TLE1: variants seen among roughly 807,000 people sequenced by gnomAD.
TLE1 encodes transducin-like enhancer protein 1.
In TLE1, 21 loss-of-function variants were observed where a neutral mutation model predicts 89.8. That is an observed-to-expected ratio of 0.23 (90% confidence interval 0.17 to 0.34). The LOEUF is 0.34. Ranked by LOEUF, TLE1 falls within the 10% of genes least tolerant of loss-of-function variation. The pLI, the probability that TLE1 is intolerant of heterozygous loss-of-function variation, is 1.00. For missense variants in TLE1, 795 were observed against 1,031.2 expected, an observed-to-expected ratio of 0.77 and a Z score of 3.14; for synonymous variants, 447 against 407.6, an observed-to-expected ratio of 1.10 and a Z score of -1.16.
chr9:81,642,926 C>T (rs778419256), intron 6 of TLE1, among the ~76,000 whole-genome samples: 3 of 152,170 alleles, frequency 2.0e-5, no homozygotes, highest in Admixed American at 6.5e-5. Context: ...CTACCACTTA[C>T]GACAACATGG....
At chr9:81,670,725 A>ATT (rs1554698813) in intron 4 of TLE1, among the ~76,000 whole-genome samples, 1 of 13,822 alleles carries the variant, frequency 7.2e-5, no homozygotes, top group Admixed American at 9.8e-4. Flanking sequence ...AAAAAAAAAA[A>ATT]TTAAAAAAAA....
intron 2 of TLE1, among the ~76,000 whole-genome samples, chr9:81,687,131 A>T (rs1208566806): frequency 6.6e-6 from 1 of 152,242 alleles, no homozygotes; most frequent in Non-Finnish European, 1.5e-5. Flanking sequence ...CAAAAGGGAA[A>T]CAATGGGAGG....
intron 11 of TLE1, among the ~76,000 whole-genome samples, chr9:81,614,197 C>G (rs552946804): frequency 6.6e-6 from 1 of 152,140 alleles, no homozygotes; most frequent in Admixed American, 6.5e-5. Context: ...CCTGAGCCAC[C>G]GCGCCAGGCC....
At chr9:81,593,792 A>G (rs970405272) in intron 14 of TLE1, among the ~76,000 whole-genome samples, 12 of 152,204 alleles carry the variant, frequency 7.9e-5, no homozygotes, top group African/African-American at 2.9e-4. Flanking sequence ...ATGGACTTCA[A>G]CTTTCTCTTG....
intron 4 of TLE1, among the ~76,000 whole-genome samples, chr9:81,684,854 G>C (rs768953422): frequency 6.6e-6 from 1 of 152,140 alleles, no homozygotes; most frequent in Non-Finnish European, 1.5e-5. Context: ...TGCTTTCTTT[G>C]GCAGACAATG....
intron 16 of TLE1, 95 bp from the exon 17 acceptor site, chr9:81,587,923 T>TCATCCC: frequency 2.2e-5 from 22 of 1,014,116 alleles, no homozygotes; most frequent in South Asian, 5.6e-5. Context: ...TGTGTGTGTG[T>TCATCCC]GTGTGTGTGT....
At position 81,688,432 on chromosome 9, in the gene TLE1, G is replaced by A. The variant is rs1182202771; in HGVS notation, c.-192C>T. On this transcript the variant is annotated 5_prime_UTR_variant, in exon 1 of 20. Coordinates refer to ENST00000376499, the MANE Select transcript of TLE1 (RefSeq NM_005077.5). ...AGCTGCTCCGGCTCCCGCTCCCGTC[G>A]GTGCGGGCTCCGGCCCTCAGGGCCA... The A allele has an allele frequency of 3.4e-5, 19 of 556,486 alleles. No homozygotes were observed. The highest frequency in any genetic ancestry group is 5.3e-5 in the Non-Finnish European group (18 of 337,918). 34.5% of individuals were successfully genotyped at this position (556,486 alleles called of 1,614,324 possible). A position where few individuals can be genotyped will look rare whatever the true frequency, so the allele number is the denominator to read the frequency against.
chr9:81,639,803 C>T (rs1827883486), intron 6 of TLE1, among the ~76,000 whole-genome samples: 1 of 151,362 alleles, frequency 6.6e-6, no homozygotes, highest in African/African-American at 2.4e-5. Context: ...AGGCTAGTCT[C>T]GAACTCCTGG....
At chr9:81,584,665 A>C in intron 18 of TLE1, 141 bp from the exon 19 acceptor site, 1 of 735,938 alleles carries the variant, frequency 1.4e-6, no homozygotes, top group East Asian at 2.7e-5. Context: ...ATATGAACAG[A>C]GGTTTTAATC....
chr9:81,614,633 T>C (rs985240782), intron 11 of TLE1, among the ~76,000 whole-genome samples: 1 of 152,130 alleles, frequency 6.6e-6, no homozygotes, highest in African/African-American at 2.4e-5. Flanking sequence ...AATGGGATAA[T>C]GCCTACCGGG....
rs553275656 is a variant in TLE1 at position 81,675,825 on chromosome 9, C to A, written c.234+9851G>T. 4.0e-5 allele frequency among the ~76,000 whole-genome samples: 6 copies of A among 151,812 alleles called. No homozygotes were observed. The South Asian group carries it at 1.0e-3, about 26-fold the overall frequency. On this transcript the variant is annotated intron_variant, in intron 4 of 19. Transcript: ENST00000376499. ...AAGTGATTTTCCTGCCTCAGCCTCC[C>A]GAGTAGCTGGGATGACAGGTGCCTG...
Position 81,687,441 on chromosome 9 carries a change from G to A in TLE1, c.25-7C>T. The stretch of plus-strand genomic sequence containing the variant: ...CTGCAGCCTGGTGCGGCGTCTGGGG[G>A]CGACCAGCGAGGGGGACCGAGGGAC... On this transcript the variant is annotated splice_region_variant and splice_polypyrimidine_tract_variant and intron_variant, in intron 1 of 19. Transcript: ENST00000376499. 6.2e-7 allele frequency: 1 copy of A among 1,605,902 alleles called. No homozygotes were observed. The highest frequency in any genetic ancestry group is 8.5e-7 in the Non-Finnish European group (1 of 1,176,474).
At chr9:81,632,113 G>A (rs756460400) in intron 8 of TLE1, among the ~76,000 whole-genome samples, 1 of 134,830 alleles carries the variant, frequency 7.4e-6, no homozygotes, top group Non-Finnish European at 1.6e-5. Flanking sequence ...ACTATCTATA[G>A]GAACCCTGGA....
chr9:81,597,718 C>A (rs957381192), intron 14 of TLE1, among the ~76,000 whole-genome samples: 17 of 152,174 alleles, frequency 1.1e-4, no homozygotes, highest in African/African-American at 4.1e-4. Context: ...ATAAAGCCCA[C>A]TCGACTTCAC....
Position 81,652,273 on chromosome 9 carries a change from C to T in TLE1, c.313G>A (p.Ala105Thr). Reference protein sequence around the residue: ...FLSQEHQQQVAQAVERAKQVT... With the variant: ...FLSQEHQQQVTQAVERAKQVT... ...TGTTTGGCACGTTCAACAGCCTGGG[C>T]CACCTGTTGTTGATGCTTTGAAAAC... The change falls in exon 6 of 20, where the codon GCC becomes ACC. Residue 105 changes from alanine to threonine, a missense_variant. Transcript: ENST00000376499. 6.2e-7 allele frequency: 1 copy of T among 1,613,736 alleles called. No homozygotes were observed. Among genetic ancestry groups the T allele is most frequent in the Non-Finnish European group, 8.5e-7 (1 of 1,179,806 alleles).
At chr9:81,591,364 A>G (rs1475415807) in intron 15 of TLE1, among the ~76,000 whole-genome samples, 2 of 152,192 alleles carry the variant, frequency 1.3e-5, no homozygotes, top group East Asian at 1.9e-4. Context: ...GCTAGTTTAT[A>G]AATCTACCTC....
chr9:81,589,982 G>A (rs545701766), intron 16 of TLE1, among the ~76,000 whole-genome samples: 1 of 152,214 alleles, frequency 6.6e-6, no homozygotes, highest in African/African-American at 2.4e-5. Flanking sequence ...GATGACTTCT[G>A]GAGCCCGTCC....
intron 4 of TLE1, among the ~76,000 whole-genome samples, chr9:81,665,479 C>T (rs1232118002): frequency 2.0e-5 from 3 of 152,042 alleles, no homozygotes; most frequent in South Asian, 4.2e-4. Context: ...CTTTCACACT[C>T]GCAGTTCTCT....
intron 14 of TLE1, among the ~76,000 whole-genome samples, chr9:81,606,748 A>G (rs894935548): frequency 6.6e-6 from 1 of 152,074 alleles, no homozygotes; most frequent in African/African-American, 2.4e-5. Context: ...AACATTGTAC[A>G]CATGTACCCT....
Sources: gnomAD v4.1 joint callset for allele counts (sites outside exome capture counted in the v4.1 genomes callset) on GRCh38, gnomAD v4.1.1 for gene constraint, MANE v1.5 for transcripts, NCBI Gene and HGNC (gene_info 2026-07-23, HGNC 2026-07-21) for gene names.